TBC1D22A: variants seen among roughly 807,000 people sequenced by gnomAD.
TBC1D22A encodes the protein TBC1 domain family member 22A, also known as putative GTPase activator.
In TBC1D22A, 38 loss-of-function variants were observed where a neutral mutation model predicts 60.2. That is an observed-to-expected ratio of 0.63 (90% CI 0.49 to 0.83). The LOEUF (loss-of-function observed/expected upper bound fraction) is 0.83. TBC1D22A is among the 40% of genes least tolerant of loss of function. TBC1D22A has a pLI of 0.00. For synonymous variants in TBC1D22A, 302 were observed against 281.7 expected, an observed-to-expected ratio of 1.07 and a Z score of -0.72; for missense variants, 628 against 701.0, an observed-to-expected ratio of 0.90 and a Z score of 1.18.
chr22:46,973,629 A>G (rs2074168254), intron 8 of TBC1D22A, among the ~76,000 whole-genome samples: 1 of 152,270 alleles, frequency 6.6e-6, no homozygotes, highest in African/African-American at 2.4e-5. Flanking sequence ...CTGGATGACA[A>G]CAGTTTTGTA....
intron 8 of TBC1D22A, among the ~76,000 whole-genome samples, chr22:46,920,483 A>G (rs2070687706): frequency 6.6e-6 from 1 of 152,220 alleles, no homozygotes; most frequent in Admixed American, 6.5e-5. Context: ...ATTTCCATAT[A>G]TTCCCTAAAA....
At chr22:46,941,784 T>C (rs1478727443) in intron 8 of TBC1D22A, among the ~76,000 whole-genome samples, 1 of 136,560 alleles carries the variant, frequency 7.3e-6, no homozygotes, top group Non-Finnish European at 1.6e-5. Context: ...ATACGGAATA[T>C]ATATAGAATA....
intron 4 of TBC1D22A, among the ~76,000 whole-genome samples, chr22:46,833,032 C>A (rs2086376796): frequency 6.6e-6 from 1 of 152,242 alleles, no homozygotes; most frequent in South Asian, 2.1e-4. Flanking sequence ...GAGGCCCTGT[C>A]CGCCTGGGCA....
chr22:47,100,326 C>A (rs1284280877), intron 11 of TBC1D22A, among the ~76,000 whole-genome samples: 1 of 151,780 alleles, frequency 6.6e-6, no homozygotes, highest in African/African-American at 2.4e-5. Context: ...GGAATGAGGC[C>A]TTTGGGCACA....
At chr22:46,933,278 G>T (rs2071458123) in intron 8 of TBC1D22A, among the ~76,000 whole-genome samples, 1 of 152,214 alleles carries the variant, frequency 6.6e-6, no homozygotes, top group African/African-American at 2.4e-5. Context: ...TGTGCTCTGA[G>T]CAGAGGGCAG....
At position 47,018,606 on chromosome 22, in the gene TBC1D22A, C is replaced by T. The variant is rs563893123; in HGVS notation, c.1202-18465C>T. Among the ~76,000 whole-genome samples, 10 of 152,226 alleles carry T rather than the reference C, an allele frequency of 6.6e-5. No homozygotes were observed. In the South Asian group the frequency reaches 1.2e-3, roughly 19 times the overall value. On this transcript the variant is annotated intron_variant, in intron 10 of 12. Coordinates refer to ENST00000337137, the MANE Select transcript of TBC1D22A (RefSeq NM_014346.5). ...CTGTTGGTGGCTGTTTAGTGAATGG[C>T]CACTTGGGCCACGTCGCTGAGCACC...
At chr22:46,934,508 CAG>C (rs1420469822) in intron 8 of TBC1D22A, among the ~76,000 whole-genome samples, 2 of 152,196 alleles carry the variant, frequency 1.3e-5, no homozygotes, top group African/African-American at 4.8e-5. Context: ...TTTCACTTGC[CAG>C]AGAGAGCAGG....
intron 10 of TBC1D22A, among the ~76,000 whole-genome samples, chr22:47,003,449 C>T (rs1399707091): frequency 6.7e-6 from 1 of 150,338 alleles, no homozygotes; most frequent in Non-Finnish European, 1.5e-5. Context: ...TACACACGCA[C>T]CCTACGCACA....
intron 5 of TBC1D22A, among the ~76,000 whole-genome samples, chr22:46,881,722 T>C (rs568617045): frequency 1.9e-4 from 29 of 152,298 alleles, no homozygotes; most frequent in Non-Finnish European, 3.2e-4. Context: ...GGCCAAAGGC[T>C]ACAGGGGTGG....
intron 11 of TBC1D22A, among the ~76,000 whole-genome samples, chr22:47,100,200 C>CGTCAGGGCACAGGGGTGAGGT (rs1448139378): frequency 2.0e-5 from 3 of 152,188 alleles, no homozygotes; most frequent in East Asian, 3.9e-4. Flanking sequence ...AGGGGTGAGG[C>CGTCAGGGCACAGGGGTGAGGT]GTCAGGGCAC....
At chr22:47,143,810 T>C (rs751536751) in intron 12 of TBC1D22A, among the ~76,000 whole-genome samples, 8 of 152,170 alleles carry the variant, frequency 5.3e-5, no homozygotes, top group Non-Finnish European at 1.0e-4. Flanking sequence ...TTGCCAGAGG[T>C]GCATGAGGAG....
intron 11 of TBC1D22A, among the ~76,000 whole-genome samples, chr22:47,071,910 G>T (rs2064010013): frequency 6.6e-6 from 1 of 152,094 alleles, no homozygotes; most frequent in Admixed American, 6.5e-5. Context: ...GTTTGGCTGG[G>T]CTCAGTCATG....
At chr22:46,912,899 A>G (rs1390828757) in intron 8 of TBC1D22A, among the ~76,000 whole-genome samples, 1 of 152,216 alleles carries the variant, frequency 6.6e-6, no homozygotes, top group Non-Finnish European at 1.5e-5. Context: ...ATAGAGTGTC[A>G]GTCACATATT....
chr22:46,792,101 C>T (rs894355871), intron 1 of TBC1D22A, among the ~76,000 whole-genome samples: 2 of 152,236 alleles, frequency 1.3e-5, no homozygotes, highest in African/African-American at 4.8e-5. Flanking sequence ...TTTTGCAATT[C>T]TGCATTCAAT....
intron 4 of TBC1D22A, among the ~76,000 whole-genome samples, chr22:46,871,046 T>C (rs1397220259): frequency 6.6e-6 from 1 of 152,126 alleles, no homozygotes; most frequent in African/African-American, 2.4e-5. Context: ...TCATGCAAGC[T>C]CTAATCACAA....
chr22:47,130,633 C>G (rs905867749), intron 12 of TBC1D22A, among the ~76,000 whole-genome samples: 3 of 152,206 alleles, frequency 2.0e-5, no homozygotes, highest in African/African-American at 7.2e-5. Flanking sequence ...TCGTTCCTTC[C>G]CCAACACCTC....
intron 11 of TBC1D22A, among the ~76,000 whole-genome samples, chr22:47,088,698 G>A (rs1272578846): frequency 1.3e-5 from 2 of 152,184 alleles, no homozygotes; most frequent in Non-Finnish European, 2.9e-5. Context: ...AATGAGTCAA[G>A]CCAGTGCTCA....
At chr22:47,014,409 A>C (rs1306647194) in intron 10 of TBC1D22A, among the ~76,000 whole-genome samples, 1 of 152,168 alleles carries the variant, frequency 6.6e-6, no homozygotes, top group Non-Finnish European at 1.5e-5. Context: ...GCCCCAGACT[A>C]GACCCAGGGC....
intron 11 of TBC1D22A, among the ~76,000 whole-genome samples, chr22:47,101,343 G>C (rs1277519495): frequency 6.6e-6 from 1 of 152,204 alleles, no homozygotes; most frequent in Non-Finnish European, 1.5e-5. Flanking sequence ...GCAGGGACAG[G>C]CTTGGGGCAT....
Sources: gnomAD v4.1 joint callset for allele counts (sites outside exome capture counted in the v4.1 genomes callset) on GRCh38, gnomAD v4.1.1 for gene constraint, MANE v1.5 for transcripts, NCBI Gene and HGNC (gene_info 2026-07-23, HGNC 2026-07-21) for gene names.